The following HJURP variants were observed in gnomAD, a reference collection of about 807,000 sequenced individuals.
HJURP encodes the protein 14-3-3-associated AKT substrate.
A neutral mutation model predicts 72.0 loss-of-function variants in HJURP; 49 were observed. That is an observed-to-expected ratio of 0.68 (90% CI 0.54 to 0.86). HJURP has a LOEUF of 0.86. Among genes scored for constraint, HJURP ranks in the 40% least tolerant of loss-of-function variants. The probability of loss-of-function intolerance (pLI) is 0.00; values close to 1 mark genes in which losing one functional copy is unlikely to be tolerated. For synonymous variants in HJURP, 357 were observed against 347.1 expected (o/e 1.03, Z -0.32); for missense variants, 908 against 936.3 (o/e 0.97, Z 0.39).
At chr2:233,850,573 C>T (rs562746632) in intron 3 of HJURP, among the ~76,000 whole-genome samples, 27 of 152,228 alleles carry the variant, frequency 1.8e-4, no homozygotes, top group African/African-American at 5.3e-4. Flanking sequence ...AAAAACAGGG[C>T]GTGAGAAGGT....
intron 6 of HJURP, 23 bp downstream of exon 6, chr2:233,845,701 AAAAC>A (rs1559497851): frequency 2.1e-6 from 3 of 1,461,762 alleles, no homozygotes; most frequent in African/African-American, 1.4e-5. Flanking sequence ...TAATTATATA[AAAAC>A]AAACAACTGG....
chr2:233,840,499 A>G, intron 8 of HJURP, 110 bp downstream of exon 8: 1 of 1,126,056 alleles, frequency 8.9e-7, no homozygotes, highest in Non-Finnish European at 1.3e-6. Context: ...GTATGTAAGA[A>G]TTCGGCTGAG....
chr2:233,844,223 G>A lies in HJURP; in HGVS notation c.556C>T (p.Pro186Ser). The change falls in exon 7 of 9, where the codon CCT (proline) becomes TCT (serine). Residue 186 changes from proline (P) to serine (S), a missense_variant. By Grantham distance (74) the Pro-to-Ser change is moderately conservative. Coordinates refer to ENST00000411486, the MANE Select transcript of HJURP (RefSeq NM_018410.5). The stretch of plus-strand genomic sequence containing the variant: ...CACTCACCGGGGGCAGGCACGGCAG[G>A]TGAGGCCAGTGAAGGCAGCGGAGTC... ...RVTPLPSLAS[P>S]AVPAPGYCSR... is the part of the protein sequence containing the mutation. 15 of 1,614,146 alleles carry A rather than the reference G, an allele frequency of 9.3e-6. No homozygotes were observed. Among genetic ancestry groups the A allele is most frequent in the Non-Finnish European group, 1.2e-5 (14 of 1,179,954 alleles).
chr2:233,849,872 A>T lies in HJURP; in HGVS notation c.241-13T>A. On this transcript the variant is annotated splice_polypyrimidine_tract_variant and intron_variant, in intron 3 of 8. Transcript: ENST00000411486. ...TCATGGAGGAGTCCTCCAAGTGCAG[A>T]AGCCAATAAAAACATGGTTGTTTGA... The T allele has an allele frequency of 6.7e-7, 1 of 1,495,312 alleles. No homozygotes were observed. 92.6% of individuals were successfully genotyped at this position (1,495,312 alleles called of 1,614,324 possible).
intron 8 of HJURP, among the ~76,000 whole-genome samples, chr2:233,839,785 G>A (rs1705175362): frequency 1.3e-5 from 2 of 152,172 alleles, no homozygotes; most frequent in African/African-American, 4.8e-5. Flanking sequence ...TAGGGCACAA[G>A]GGAAGAGGAT....
At chr2:233,844,608 C>T (rs781316402) in intron 6 of HJURP, among the ~76,000 whole-genome samples, 1 of 152,140 alleles carries the variant, frequency 6.6e-6, no homozygotes, top group South Asian at 2.1e-4. Flanking sequence ...AGGGGCCAAC[C>T]GGACGGTGGA....
At position 233,841,384 on chromosome 2, in the gene HJURP, T is replaced by C. The variant is rs750063816; in HGVS notation, c.1396A>G (p.Met466Val). The change falls in exon 8 of 9, where the codon ATG becomes GTG. Residue 466 changes from methionine to valine, a missense_variant. Physicochemically the swap from Met to Val is conservative, Grantham distance 21. Transcript: ENST00000411486. The part of the protein sequence containing the change: ...MCLPDSWAMN[M>V]YRGGPASPGG... ...GGACTCGCAGGACCCCCTCTGTACA[T>C]GTTCATGGCCCAGGAGTCCGGGAGG... 13 of 1,614,010 alleles carry C rather than the reference T, an allele frequency of 8.1e-6. No individual in the cohort carries two copies. In the African/African-American group the frequency reaches 9.3e-5, roughly 12 times the overall value.
At chr2:233,843,896 G>A (rs1181359963) in intron 7 of HJURP, among the ~76,000 whole-genome samples, 1 of 152,204 alleles carries the variant, frequency 6.6e-6, no homozygotes, top group Non-Finnish European at 1.5e-5. Flanking sequence ...GGGTGATAAC[G>A]CAGATATGAC....
intron 8 of HJURP, 26 bp downstream of exon 8, chr2:233,840,583 C>T (rs777931229): frequency 6.5e-7 from 1 of 1,546,630 alleles, no homozygotes; most frequent in Non-Finnish European, 8.7e-7. Flanking sequence ...ACATAAACCA[C>T]ATTCAACCAA....
chr2:233,838,029 G>A (rs752806789), intron 8 of HJURP, among the ~76,000 whole-genome samples: 15 of 152,190 alleles, frequency 9.9e-5, no homozygotes, highest in Non-Finnish European at 1.6e-4. Context: ...GGGTTCTGGT[G>A]GGGATGAAAG....
chr2:233,841,856 T>A lies in HJURP; in HGVS notation c.924A>T (p.Thr308=). Reference sequence around the variant, plus strand: ...GAGAACGTCTGGCTCCTTTGCAATATGTTTTGTTCATCCTGCTCTTATATC... The same window carrying A: ...GAGAACGTCTGGCTCCTTTGCAATAAGTTTTGTTCATCCTGCTCTTATATC... ...RHRYKSRMNK[T]YCKGARRSQR... is the part of the protein sequence containing the mutation. The change falls in exon 8 of 9, where the codon ACA becomes ACT. Residue 308 remains threonine (T), a synonymous_variant. Transcript: ENST00000411486. 6.2e-7 allele frequency: 1 copy of A among 1,614,222 alleles called. No individual in the cohort carries two copies. The highest frequency in any genetic ancestry group is 8.5e-7 in the Non-Finnish European group (1 of 1,180,036).
chr2:233,839,233 T>A (rs28900705), intron 8 of HJURP, among the ~76,000 whole-genome samples: 4 of 152,212 alleles, frequency 2.6e-5, no homozygotes, highest in African/African-American at 9.7e-5. Context: ...CGCTAACCCA[T>A]GAGACTGGTC....
chr2:233,848,894 G>A (rs1024770567), intron 4 of HJURP, among the ~76,000 whole-genome samples: 1 of 152,176 alleles, frequency 6.6e-6, no homozygotes, highest in Non-Finnish European at 1.5e-5. Flanking sequence ...TTGGAAGGAC[G>A]AAGACAGAAG....
At chr2:233,852,973 C>T (rs1705531472) in intron 2 of HJURP, among the ~76,000 whole-genome samples, 1 of 152,180 alleles carries the variant, frequency 6.6e-6, no homozygotes, top group Non-Finnish European at 1.5e-5. Flanking sequence ...CAGGCAATCT[C>T]TACATCCCAT....
At chr2:233,839,061 C>G (rs144053887) in intron 8 of HJURP, among the ~76,000 whole-genome samples, 4 of 152,364 alleles carry the variant, frequency 2.6e-5, no homozygotes, top group African/African-American at 9.6e-5. Context: ...TGAACACTTA[C>G]GTATGTCCAT....
At chr2:233,849,367 G>C (rs606397) in intron 4 of HJURP, among the ~76,000 whole-genome samples, 29,630 of 152,094 alleles carry the variant, frequency 0.19, 3,180 homozygotes, top group African/African-American at 0.28. Context: ...CAGGATGGGG[G>C]TGGGCAGTGA....
intron 8 of HJURP, 25 bp from the exon 9 acceptor site, chr2:233,837,677 A>AATG: frequency 6.6e-7 from 1 of 1,508,414 alleles, no homozygotes; most frequent in Non-Finnish European, 9.1e-7. Flanking sequence ...AGACAAAGAA[A>AATG]ATGATGTTAG....
rs1705347405 is a variant in HJURP, at chr2:233,845,760, C to T, written c.463G>A (p.Asp155Asn). ...ELRRKYLTQV[D>N]ILLQGAEYFE... ...TACTCTGCACCTTGTAGCAGTATAT[C>T]CACTTGGGTCAAGTATTTCCTTCTT... is the stretch of plus-strand genomic sequence containing the variant. Residue 155 changes from aspartate (D) to asparagine (N), a missense_variant, in exon 6 of 9, where the codon GAT becomes AAT. By Grantham distance (23) the Asp-to-Asn change is conservative. Transcript: ENST00000411486. 2 of 1,612,580 alleles carry T rather than the reference C, an allele frequency of 1.2e-6. No individual in the cohort carries two copies. Among genetic ancestry groups the T allele is most frequent in the African/African-American group, 1.3e-5 (1 of 74,916 alleles).
chr2:233,840,506 T>G, intron 8 of HJURP, 103 bp downstream of exon 8: 39 of 1,210,142 alleles, frequency 3.2e-5, no homozygotes, highest in Non-Finnish European at 4.3e-5. Context: ...AGAATTCGGC[T>G]GAGATTCACT....
Sources: allele counts gnomAD v4.1 joint callset (sites outside exome capture counted in the v4.1 genomes callset), GRCh38; gene constraint gnomAD v4.1.1; transcripts MANE v1.5; gene names NCBI Gene and HGNC (gene_info 2026-07-23, HGNC 2026-07-21).